The following DOCK2 variants were observed in gnomAD, a reference collection of about 807,000 sequenced individuals.
DOCK2 encodes the protein dedicator of cytokinesis protein 2.
DOCK2 carries 87 observed loss-of-function variants against 248.9 expected under a neutral mutation model. The ratio of observed to expected loss-of-function variants is 0.35; its 90% CI spans 0.29 to 0.42. The LOEUF (loss-of-function observed/expected upper bound fraction) is 0.42. DOCK2 is among the 10% of genes least tolerant of loss of function. DOCK2 has a pLI of 1.00. For synonymous variants in DOCK2, 805 were observed against 821.6 expected, an observed-to-expected ratio of 0.98 and a Z score of 0.35; for missense variants, 1,747 against 2,300.2, an observed-to-expected ratio of 0.76 and a Z score of 4.92.
chr5:169,637,803 G>A (rs1581354643), intron 1 of DOCK2, among the ~76,000 whole-genome samples: 1 of 152,166 alleles, frequency 6.6e-6, no homozygotes, highest in Non-Finnish European at 1.5e-5. Flanking sequence ...CCATTTGCCT[G>A]CTTCCCCTGT....
At chr5:169,924,536 G>A (rs527307251) in intron 27 of DOCK2, among the ~76,000 whole-genome samples, 1 of 152,298 alleles carries the variant, frequency 6.6e-6, no homozygotes, top group African/African-American at 2.4e-5. Context: ...TCTTTTGGCT[G>A]CTTCTTGGGT....
chr5:169,839,301 A>C (rs754687134), intron 26 of DOCK2, among the ~76,000 whole-genome samples: 3 of 152,218 alleles, frequency 2.0e-5, no homozygotes, highest in Admixed American at 2.0e-4. Context: ...GGACCCAGGC[A>C]TGTAAGTTCT....
chr5:169,664,007 T>C lies in DOCK2; in HGVS notation c.128-5281T>C, dbSNP rs573873690. Reference sequence around the variant, plus strand: ...CAAACTTTTACTCTCTGCTTCCCTTTTAAACATAATTTCCAATTTCAGACC... The same window carrying C: ...CAAACTTTTACTCTCTGCTTCCCTTCTAAACATAATTTCCAATTTCAGACC... On this transcript the variant is annotated intron_variant, in intron 2 of 51. Transcript: ENST00000520908. Among the ~76,000 whole-genome samples the C allele has an allele frequency of 4.6e-5, 7 of 152,350 alleles. No homozygotes were observed. In the South Asian group the frequency reaches 1.0e-3, roughly 23 times the overall value.
chr5:169,910,595 T>C (rs1251480510), intron 27 of DOCK2, among the ~76,000 whole-genome samples: 1 of 152,170 alleles, frequency 6.6e-6, no homozygotes, highest in East Asian at 1.9e-4. Flanking sequence ...ACTAAGTGTT[T>C]GGCACTGAGT....
intron 32 of DOCK2, among the ~76,000 whole-genome samples, chr5:170,010,658 A>G (rs925423873): frequency 2.0e-5 from 3 of 152,270 alleles, no homozygotes; most frequent in Non-Finnish European, 4.4e-5. Context: ...AATACTAATG[A>G]AAACTAATTG....
chr5:170,070,762 TCTC>T (rs918007792), intron 46 of DOCK2, among the ~76,000 whole-genome samples: 5 of 152,026 alleles, frequency 3.3e-5, no homozygotes, highest in African/African-American at 7.3e-5. Context: ...GGGGACCTCT[TCTC>T]CTCTGGAAAC....
intron 43 of DOCK2, chr5:170,057,307 A>T: frequency 2.0e-6 from 1 of 501,200 alleles, no homozygotes; most frequent in East Asian, 3.9e-5. Flanking sequence ...ACAAATGGAC[A>T]CATTCAATAT....
intron 49 of DOCK2, 41 bp from the exon 50 acceptor site, chr5:170,080,122 G>A (rs760272711): frequency 1.2e-6 from 2 of 1,610,944 alleles, no homozygotes; most frequent in Non-Finnish European, 1.7e-6. Context: ...CTAAGCCTCT[G>A]TCTTTGTGTG....
At position 169,982,946 on chromosome 5, in the gene DOCK2, C is replaced by A. The variant is rs1400216008; in HGVS notation, c.2800-122C>A. 6.7e-6 allele frequency: 6 copies of A among 893,662 alleles called. No homozygotes were observed. The Admixed American group carries it at 1.0e-4, about 15-fold the overall frequency. 55.4% of individuals were successfully genotyped at this position (893,662 alleles called of 1,614,324 possible). A position where few individuals can be genotyped will look rare whatever the true frequency, so the allele number is the denominator to read the frequency against. ...TCGGCACTGCTATTACAGTCCCAGG[C>A]ACATAATAGTACTCAGTAAATACTT... On this transcript the variant is annotated intron_variant, in intron 27 of 51. Coordinates refer to ENST00000520908, the MANE Select transcript of DOCK2 (RefSeq NM_004946.3).
chr5:169,751,874 C>T (rs1460824980), intron 23 of DOCK2, among the ~76,000 whole-genome samples: 1 of 152,170 alleles, frequency 6.6e-6, no homozygotes, highest in Non-Finnish European at 1.5e-5. Context: ...CTTCAAGGAA[C>T]CACTATCCTC....
chr5:169,754,768 A>G (rs925977045), intron 23 of DOCK2, among the ~76,000 whole-genome samples: 3 of 152,176 alleles, frequency 2.0e-5, no homozygotes, highest in African/African-American at 7.2e-5. Context: ...GCTTCTGGCA[A>G]GTTATTTAAC....
chr5:169,702,245 C>T (rs979018322), intron 13 of DOCK2, 58 bp from the exon 14 acceptor site: 64 of 1,587,894 alleles, frequency 4.0e-5, no homozygotes, highest in African/African-American at 8.1e-5. Flanking sequence ...TCTAGTTAGT[C>T]AGCGTCTCTC....
chr5:169,803,220 A>G lies in DOCK2; in HGVS notation c.2703+14A>G. 3 of 1,610,858 alleles carry G rather than the reference A, an allele frequency of 1.9e-6. No individual in the cohort carries two copies. Among genetic ancestry groups the G allele is most frequent in the Non-Finnish European group, 2.5e-6 (3 of 1,178,470 alleles). Reference sequence around the variant, plus strand: ...TACCAGGATGCGGTGAGTCCTCCTGATGATGTAGATATCCTGGACTCAGAC... The same window carrying G: ...TACCAGGATGCGGTGAGTCCTCCTGGTGATGTAGATATCCTGGACTCAGAC... On this transcript the variant is annotated intron_variant, in intron 26 of 51. Transcript: ENST00000520908.
intron 1 of DOCK2, among the ~76,000 whole-genome samples, chr5:169,647,341 C>T (rs781359504): frequency 3.4e-5 from 5 of 148,380 alleles, no homozygotes; most frequent in Non-Finnish European, 7.4e-5. Context: ...TGAGTGGATG[C>T]ATGGATGGGT....
chr5:169,714,620 T>G (rs1161762963), intron 19 of DOCK2, among the ~76,000 whole-genome samples, 163 bp downstream of exon 19: 1 of 152,096 alleles, frequency 6.6e-6, no homozygotes, highest in Non-Finnish European at 1.5e-5. Context: ...TATTGGGAAA[T>G]CCAGGGGAGT....
At chr5:169,883,170 A>G (rs1213023673) in intron 27 of DOCK2, 5 of 1,551,508 alleles carry the variant, frequency 3.2e-6, no homozygotes, top group South Asian at 1.2e-5. Context: ...CCCTTCTCCC[A>G]TCACCTGGAC....
chr5:169,676,131 A>G (rs558096871), intron 6 of DOCK2, among the ~76,000 whole-genome samples: 2 of 152,314 alleles, frequency 1.3e-5, no homozygotes, highest in South Asian at 4.1e-4. Context: ...GAATGGAAGA[A>G]GTGGTCACTA....
At chr5:170,029,051 T>C (rs572813435) in intron 34 of DOCK2, among the ~76,000 whole-genome samples, 1 of 152,308 alleles carries the variant, frequency 6.6e-6, no homozygotes, top group African/African-American at 2.4e-5. Flanking sequence ...CAGGTACAAG[T>C]TTTTGTGTGG....
intron 25 of DOCK2, among the ~76,000 whole-genome samples, chr5:169,796,066 G>A (rs1326411794): frequency 2.0e-5 from 3 of 152,246 alleles, no homozygotes; most frequent in African/African-American, 7.2e-5. Flanking sequence ...TGAGTGGAAT[G>A]AGATTCCAAG....
Sources: allele counts gnomAD v4.1 joint callset (sites outside exome capture counted in the v4.1 genomes callset), GRCh38; gene constraint gnomAD v4.1.1; transcripts MANE v1.5; gene names NCBI Gene and HGNC (gene_info 2026-07-23, HGNC 2026-07-21).